CXCR3: variants seen among roughly 807,000 people sequenced by gnomAD.
CXCR3 encodes the protein C-X-C chemokine receptor type 3.
For missense variants in CXCR3, 239 were observed against 310.2 expected (o/e 0.77, Z 1.72); for synonymous variants, 136 against 148.0 (o/e 0.92, Z 0.59).
rs1252391801 is a variant in CXCR3, at chrX:71,616,541, A to C, written c.931T>G (p.Cys311Gly). 1 of 1,210,655 alleles carries C rather than the reference A, an allele frequency of 8.3e-7. No homozygotes were observed. Among genetic ancestry groups the C allele is most frequent in the East Asian group, 3.0e-5 (1 of 33,814 alleles). Residue 311 changes from cysteine to glycine, a missense_variant, in exon 2 of 2, where the codon TGC becomes GGC. Physicochemically the swap from Cys to Gly is radical, Grantham distance 159. Transcript: ENST00000373693. ...GCATAGAGCAGCGGGTTGAGGCAGC[A>C]GTGCATGTAGCCCAGGCCTGAGGTG... ...SVTSGLGYMH[C>G]CLNPLLYAFV...
At chrX:71,617,538 C>T (rs1569444503) in intron 1 of CXCR3, 79 bp from the exon 2 acceptor site, 2 of 1,171,207 alleles carry the variant, frequency 1.7e-6, no homozygotes, top group South Asian at 3.8e-5. Flanking sequence ...CTGATTTAGT[C>T]TGTGATTTAC....
In CXCR3 at chrX:71,616,386, C is replaced by T; in HGVS notation, c.1086G>A (p.Glu362=). The T allele has an allele frequency of 1.7e-6, 2 of 1,198,712 alleles. No individual in the cohort carries two copies. Among genetic ancestry groups the T allele is most frequent in the African/African-American group, 1.7e-5 (1 of 57,649 alleles). The change falls in exon 2 of 2, where the codon GAG becomes GAA. Residue 362 remains glutamate, a synonymous_variant. Transcript: ENST00000373693. ...RRDSSWSETS[E]ASYSGL is the part of the protein sequence containing the mutation. ...GGCCTCACAAGCCCGAGTAGGAGGC[C>T]TCTGAGGTCTCAGACCAGGATGAAT...
Position 71,616,462 on chromosome X carries a change from C to T in CXCR3, c.1010G>A (p.Gly337Asp). The change falls in exon 2 of 2, where the codon GGC (glycine) becomes GAC (aspartate). Residue 337 changes from glycine (G) to aspartate (D), a missense_variant. Transcript: ENST00000373693. The stretch of plus-strand genomic sequence containing the variant: ...CTGGAGCCCTCTCTGGTTGGGGCAG[C>T]CCAGGCGCAAGAGCAGCATCCACAT... ...ERMWMLLLRL[G>D]CPNQRGLQRQ... The T allele has an allele frequency of 2.5e-6, 3 of 1,211,429 alleles. No homozygotes were observed. Among genetic ancestry groups the T allele is most frequent in the Non-Finnish European group, 3.4e-6 (3 of 895,282 alleles).
In CXCR3 at chrX:71,617,400, G is replaced by T. The variant is rs1335571640; in HGVS notation, c.72C>A (p.Ser24Arg). 5.8e-6 allele frequency: 7 copies of T among 1,210,040 alleles called. No individual in the cohort carries two copies. The highest frequency in any genetic ancestry group is 3.5e-5 in the African/African-American group (2 of 57,178). The change falls in exon 2 of 2, where the codon AGC (serine) becomes AGA (arginine). Residue 24 changes from serine to arginine, a missense_variant. Coordinates refer to ENST00000373693, the MANE Select transcript of CXCR3 (RefSeq NM_001504.2). ...AEVAALLENFSSSYDYGENES... is the reference protein window; with the variant it reads ...AEVAALLENFRSSYDYGENES... ...CGTTTTCTCCATAGTCATAGGAAGA[G>T]CTGAAGTTCTCCAGGAGGGCGGCAA... is the stretch of plus-strand genomic sequence containing the variant.
At chrX:71,618,044 G>A (rs927102336) in intron 1 of CXCR3, among the ~76,000 whole-genome samples, 3 of 103,582 alleles carry the variant, frequency 2.9e-5, no homozygotes, top group African/African-American at 1.1e-4. Flanking sequence ...TGCCCACAAG[G>A]GGATCCCCCA....
chrX:71,617,791 T>A (rs1032459302), intron 1 of CXCR3: 1 of 855,887 alleles, frequency 1.2e-6, no homozygotes, highest in Non-Finnish European at 1.6e-6. Flanking sequence ...CAGGCTTGCC[T>A]TGCGTCCTCA....
Position 71,616,275 on chromosome X carries a change from T to C in CXCR3, c.*90A>G, listed in dbSNP as rs765579576. ...CCAGTGAGTCCCGGGAGCGAGGATA[T>C]TGGGGAGAGCCAGAGCCGGCAGAGG... On this transcript the variant is annotated 3_prime_UTR_variant, in exon 2 of 2. Transcript: ENST00000373693. 33 of 1,079,971 alleles carry C rather than the reference T, an allele frequency of 3.1e-5. No homozygotes were observed. The highest frequency in any genetic ancestry group is 1.7e-4 in the South Asian group (7 of 42,290). The allele number at this position is 1,079,971 out of a possible 1,213,427, so 89.0% of individuals were successfully genotyped here. A position where few individuals can be genotyped will look rare whatever the true frequency, so the allele number is the denominator to read the frequency against.
Position 71,616,084 on chromosome X carries a change from C to T in CXCR3, c.*281G>A, listed in dbSNP as rs1468468711. 8 of 339,977 alleles carry T rather than the reference C, an allele frequency of 2.4e-5. No individual in the cohort carries two copies. The highest frequency in any genetic ancestry group is 1.9e-4 in the East Asian group (4 of 20,781). The allele number at this position is 339,977 out of a possible 1,213,427, so 28.0% of individuals were successfully genotyped here. ...CCTCTACGCCATGCCTTGTACTCCCCGCACTTGGGGAAGATGAAGTTTTAG... is the reference window on the plus strand; with the variant it reads ...CCTCTACGCCATGCCTTGTACTCCCTGCACTTGGGGAAGATGAAGTTTTAG... On this transcript the variant is annotated 3_prime_UTR_variant, in exon 2 of 2. Transcript: ENST00000373693.
Position 71,616,855 on chromosome X carries a change from T to C in CXCR3, c.617A>G (p.Asn206Ser). The C allele has an allele frequency of 1.7e-6, 2 of 1,209,706 alleles. No homozygotes were observed. Among genetic ancestry groups the C allele is most frequent in the Non-Finnish European group, 2.2e-6 (2 of 894,750 alleles). Residue 206 changes from asparagine (N) to serine (S), a missense_variant, in exon 2 of 2, where the codon AAC becomes AGC. Transcript: ENST00000373693. ...AGCCGTGCGGCCCACCTGTGGGAAG[T>C]TGTATTGGCAGTGGGTGGCGTTGAG... ...ERLNATHCQYNFPQVGRTALR... is the reference protein window; with the variant it reads ...ERLNATHCQYSFPQVGRTALR...
chrX:71,617,964 G>A (rs1232653577), intron 1 of CXCR3, among the ~76,000 whole-genome samples: 1 of 51,400 alleles, frequency 1.9e-5, no homozygotes. Context: ...AAGTCACCAC[G>A]CCCCCCAAAT....
In CXCR3 at chrX:71,616,129, G is replaced by T. The variant is rs2040843988; in HGVS notation, c.*236C>A. Reference sequence around the variant, plus strand: ...TTTTAGTTTCCAAATGAGAAGGGCAGTGGGGCTCCAGGCAGCCACCTCGGG... The same window carrying T: ...TTTTAGTTTCCAAATGAGAAGGGCATTGGGGCTCCAGGCAGCCACCTCGGG... On this transcript the variant is annotated 3_prime_UTR_variant, in exon 2 of 2. Transcript: ENST00000373693. 2.5e-6 allele frequency: 1 copy of T among 395,399 alleles called. No homozygotes were observed. The highest frequency in any genetic ancestry group is 2.5e-5 in the African/African-American group (1 of 39,614). 32.6% of individuals were successfully genotyped at this position (395,399 alleles called of 1,213,427 possible).
chrX:71,616,472 A>C lies in CXCR3; in HGVS notation c.1000T>G (p.Leu334Val). 8.3e-7 allele frequency: 1 copy of C among 1,211,700 alleles called. No individual in the cohort carries two copies. Among genetic ancestry groups the C allele is most frequent in the Non-Finnish European group, 1.1e-6 (1 of 895,365 alleles). Residue 334 changes from leucine (L) to valine (V), a missense_variant, in exon 2 of 2, where the codon TTG (leucine) becomes GTG (valine). Coordinates refer to ENST00000373693, the MANE Select transcript of CXCR3 (RefSeq NM_001504.2). ...KFRERMWMLL[L>V]RLGCPNQRGL... ...CTCTGGTTGGGGCAGCCCAGGCGCAAGAGCAGCATCCACATCCGCTCCCGG... is the reference window on the plus strand; with the variant it reads ...CTCTGGTTGGGGCAGCCCAGGCGCACGAGCAGCATCCACATCCGCTCCCGG...
rs2040851510 is a variant in CXCR3, at chrX:71,616,752, G to A, written c.720C>T (p.Ala240=). Residue 240 remains alanine, a synonymous_variant, in exon 2 of 2, where the codon GCC becomes GCT. Coordinates refer to ENST00000373693, the MANE Select transcript of CXCR3 (RefSeq NM_001504.2). ...VMAYCYAHIL[A]VLLVSRGQRR... is the part of the protein sequence containing the mutation. ...GCTGGCCCCTGGAAACCAGCAGCAC[G>A]GCCAGGATGTGGGCATAGCAGTAGG... 4.1e-6 allele frequency: 5 copies of A among 1,206,784 alleles called. No individual in the cohort carries two copies. Among genetic ancestry groups the A allele is most frequent in the Non-Finnish European group, 5.6e-6 (5 of 892,997 alleles).
chrX:71,617,721 C>T (rs1602192048), intron 1 of CXCR3: 5 of 1,082,963 alleles, frequency 4.6e-6, no homozygotes, highest in Non-Finnish European at 2.4e-6. Flanking sequence ...GGAAGAAGAG[C>T]GTCCCTCCAG....
At position 71,616,425 on chromosome X, in the gene CXCR3, C is replaced by T. The variant is rs2040847506; in HGVS notation, c.1047G>A (p.Ser349=). ...ACCAGGATGAATCCCGGCGGGAAGA[C>T]GATGGCTGCCTCTGGAGCCCTCTCT... ...PNQRGLQRQP[S]SSRRDSSWSE... The change falls in exon 2 of 2, where the codon TCG becomes TCA. Residue 349 remains serine, a synonymous_variant. Transcript: ENST00000373693. 2 of 1,209,243 alleles carry T rather than the reference C, an allele frequency of 1.7e-6. No individual in the cohort carries two copies. Among genetic ancestry groups the T allele is most frequent in the Non-Finnish European group, 2.2e-6 (2 of 894,248 alleles).
chrX:71,617,260 T>C lies in CXCR3; in HGVS notation c.212A>G (p.Asn71Ser). The C allele has an allele frequency of 8.3e-7, 1 of 1,199,242 alleles. No individual in the cohort carries two copies. The change falls in exon 2 of 2, where the codon AAC (asparagine) becomes AGC (serine). Residue 71 changes from asparagine (N) to serine (S), a missense_variant. Asn to Ser is a conservative substitution (Grantham distance 46). Transcript: ENST00000373693. ...CAGCAGCACGGCTGCCACCGCGCCGTTGCCCAGCAGCCCCAGCAGAAAGAG... is the reference window on the plus strand; with the variant it reads ...CAGCAGCACGGCTGCCACCGCGCCGCTGCCCAGCAGCCCCAGCAGAAAGAG... Reference protein sequence around the residue: ...SLLFLLGLLGNGAVAAVLLSR... With the variant: ...SLLFLLGLLGSGAVAAVLLSR...
At position 71,616,027 on chromosome X, in the gene CXCR3, G is replaced by A. The variant is rs775910684; in HGVS notation, c.*338C>T. 1 of 236,874 alleles carries A rather than the reference G, an allele frequency of 4.2e-6. No homozygotes were observed. Among genetic ancestry groups the A allele is most frequent in the Non-Finnish European group, 7.5e-6 (1 of 133,115 alleles). The allele number at this position is 236,874 out of a possible 1,213,427, so 19.5% of individuals were successfully genotyped here. ...CATGGCCACAGTCACTGCTGAGCTG[G>A]AGGCCTGGGCTGTGGCTTCATGGGG... On this transcript the variant is annotated 3_prime_UTR_variant, in exon 2 of 2. Coordinates refer to ENST00000373693, the MANE Select transcript of CXCR3 (RefSeq NM_001504.2).
Position 71,616,366 on chromosome X carries a change from C to T in CXCR3, c.1106G>A (p.Ter369=), listed in dbSNP as rs1329481957. 5.1e-6 allele frequency: 6 copies of T among 1,178,631 alleles called. No individual in the cohort carries two copies. Among genetic ancestry groups the T allele is most frequent in the Non-Finnish European group, 6.8e-6 (6 of 877,078 alleles). ...ETSEASYSGL[*] is the part of the protein sequence containing the mutation. ...GAAAGGGGAGCCCGGATTCCGGCCT[C>T]ACAAGCCCGAGTAGGAGGCCTCTGA... Residue 369 remains the stop codon, a stop_retained_variant, in exon 2 of 2, where the codon TGA becomes TAA. Transcript: ENST00000373693.
chrX:71,616,370 A>G lies in CXCR3; in HGVS notation c.1102T>C (p.Leu368=). 2 of 1,183,391 alleles carry G rather than the reference A, an allele frequency of 1.7e-6. No homozygotes were observed. Among genetic ancestry groups the G allele is most frequent in the Non-Finnish European group, 2.3e-6 (2 of 878,850 alleles). ...SETSEASYSG[L] Reference sequence around the variant, plus strand: ...GGGGAGCCCGGATTCCGGCCTCACAAGCCCGAGTAGGAGGCCTCTGAGGTC... The same window carrying G: ...GGGGAGCCCGGATTCCGGCCTCACAGGCCCGAGTAGGAGGCCTCTGAGGTC... Residue 368 remains leucine (L), a synonymous_variant, in exon 2 of 2, where the codon TTG becomes CTG. Coordinates refer to ENST00000373693, the MANE Select transcript of CXCR3 (RefSeq NM_001504.2).
Sources: allele counts gnomAD v4.1 joint callset (sites outside exome capture counted in the v4.1 genomes callset), GRCh38; gene constraint gnomAD v4.1.1; transcripts MANE v1.5; gene names NCBI Gene and HGNC (gene_info 2026-07-23, HGNC 2026-07-21).